The following SYNPO2 variants were observed in gnomAD, a reference collection of about 807,000 sequenced individuals.
SYNPO2 encodes synaptopodin-2.
In SYNPO2, 56 loss-of-function variants were observed where a neutral mutation model predicts 85.0. The ratio of observed to expected loss-of-function variants is 0.66; its 90% confidence interval spans 0.53 to 0.82. The LOEUF is 0.82. SYNPO2 is among the 40% of genes least tolerant of loss of function. The pLI, the probability that SYNPO2 is intolerant of heterozygous loss-of-function variation, is 0.00. For missense variants in SYNPO2, 1,575 were observed against 1,534.2 expected, an observed-to-expected ratio of 1.03 and a Z score of -0.44; for synonymous variants, 602 against 591.1, an observed-to-expected ratio of 1.02 and a Z score of -0.27.
intron 1 of SYNPO2, among the ~76,000 whole-genome samples, chr4:118,934,112 T>G (rs1243678701): frequency 6.6e-6 from 1 of 152,114 alleles, no homozygotes; most frequent in Non-Finnish European, 1.5e-5. Context: ...TTGGTCTCTT[T>G]TCACTTTCTG....
chr4:119,007,952 A>G (rs536348705), intron 1 of SYNPO2, among the ~76,000 whole-genome samples: 1 of 152,338 alleles, frequency 6.6e-6, no homozygotes, highest in South Asian at 2.1e-4. Context: ...TGTAAGGTAC[A>G]TTATTATAAG....
chr4:119,029,865 C>G lies in SYNPO2; in HGVS notation c.1090C>G (p.Leu364Val). 1.3e-6 allele frequency: 2 copies of G among 1,592,446 alleles called. No individual in the cohort carries two copies. The highest frequency in any genetic ancestry group is 1.7e-6 in the Non-Finnish European group (2 of 1,167,418). ...CCTAGGGCTCAGGAGGAGTGAAAGC[C>G]TGTCAGAAAAACAAGTGAAGGAAGC... Reference protein sequence around the residue: ...RHARLRRSESLSEKQVKEAKS... With the variant: ...RHARLRRSESVSEKQVKEAKS... The change falls in exon 4 of 5, where the codon CTG (leucine) becomes GTG (valine). Residue 364 changes from leucine (L) to valine (V), a missense_variant. Coordinates refer to ENST00000307142, the MANE Select transcript of SYNPO2 (RefSeq NM_133477.3).
At chr4:118,959,007 C>T (rs964434633) in intron 1 of SYNPO2, among the ~76,000 whole-genome samples, 1 of 152,166 alleles carries the variant, frequency 6.6e-6, no homozygotes, top group Non-Finnish European at 1.5e-5. Flanking sequence ...TTTGACCCTA[C>T]ATGGTATATT....
intron 1 of SYNPO2, among the ~76,000 whole-genome samples, chr4:118,872,233 T>C (rs1731816408): frequency 6.6e-6 from 1 of 152,180 alleles, no homozygotes; most frequent in Admixed American, 6.5e-5. Flanking sequence ...TAACGTACAT[T>C]GTACCTGTTA....
intron 1 of SYNPO2, among the ~76,000 whole-genome samples, chr4:118,860,043 A>G (rs1444051420): frequency 6.6e-6 from 1 of 152,146 alleles, no homozygotes; most frequent in African/African-American, 2.4e-5. Flanking sequence ...ACAGTGTACG[A>G]GGGTTTCCTT....
intron 1 of SYNPO2, among the ~76,000 whole-genome samples, chr4:118,858,322 A>G (rs1731545196): frequency 6.6e-6 from 1 of 152,216 alleles, no homozygotes; most frequent in African/African-American, 2.4e-5. Context: ...AGTCTTGAAA[A>G]TAATAATCAG....
intron 1 of SYNPO2, among the ~76,000 whole-genome samples, chr4:119,000,779 T>G (rs374179799): frequency 9.2e-5 from 14 of 152,342 alleles, no homozygotes; most frequent in African/African-American, 3.4e-4. Flanking sequence ...ACAAAAACTT[T>G]TAATTCCACT....
At chr4:119,039,613 C>T (rs1206187360) in intron 4 of SYNPO2, among the ~76,000 whole-genome samples, 2 of 152,022 alleles carry the variant, frequency 1.3e-5, no homozygotes, top group African/African-American at 2.4e-5. Flanking sequence ...GAACAAATTC[C>T]CACAGTGCAC....
intron 4 of SYNPO2, chr4:119,034,560 A>G: frequency 1.0e-6 from 1 of 985,572 alleles, no homozygotes; most frequent in Non-Finnish European, 1.2e-6. Flanking sequence ...CAGTAAAAGC[A>G]TCTACAACTT....
chr4:118,995,981 C>T (rs1361673746), intron 1 of SYNPO2, among the ~76,000 whole-genome samples: 1 of 152,096 alleles, frequency 6.6e-6, no homozygotes, highest in Non-Finnish European at 1.5e-5. Flanking sequence ...AGATGTCTTA[C>T]TAAACACAAT....
At chr4:118,872,460 G>T (rs1028561128) in intron 1 of SYNPO2, among the ~76,000 whole-genome samples, 1 of 152,154 alleles carries the variant, frequency 6.6e-6, no homozygotes, top group Non-Finnish European at 1.5e-5. Context: ...TTTTAAAAAT[G>T]ATTATAGTCA....
intron 1 of SYNPO2, among the ~76,000 whole-genome samples, chr4:118,995,605 G>A (rs1317305767): frequency 6.6e-6 from 1 of 152,190 alleles, no homozygotes; most frequent in Admixed American, 6.5e-5. Context: ...CAGAGTGGCA[G>A]TATAATGTGT....
intron 4 of SYNPO2, chr4:119,036,748 A>G: frequency 1.0e-6 from 1 of 989,318 alleles, no homozygotes; most frequent in South Asian, 4.7e-5. Context: ...ATTTTTTTAA[A>G]AACTGTATGT....
chr4:118,960,088 G>T (rs1037965843), intron 1 of SYNPO2, among the ~76,000 whole-genome samples: 15 of 152,182 alleles, frequency 9.9e-5, no homozygotes, highest in Non-Finnish European at 1.8e-4. Context: ...ACAAGTCAAG[G>T]ATTGCTGACA....
chr4:118,984,655 A>T (rs1736150509), intron 1 of SYNPO2, among the ~76,000 whole-genome samples: 1 of 152,176 alleles, frequency 6.6e-6, no homozygotes, highest in Non-Finnish European at 1.5e-5. Flanking sequence ...TTCACCTCAG[A>T]TGGCACCAAT....
chr4:118,900,780 T>TATC (rs1553936267), intron 1 of SYNPO2, among the ~76,000 whole-genome samples: 4 of 147,888 alleles, frequency 2.7e-5, no homozygotes, highest in Non-Finnish European at 6.0e-5. Flanking sequence ...TCTATCTATC[T>TATC]ATCTATAGAT....
chr4:118,866,738 C>A (rs1731704958), intron 1 of SYNPO2, among the ~76,000 whole-genome samples: 1 of 152,126 alleles, frequency 6.6e-6, no homozygotes, highest in African/African-American at 2.4e-5. Flanking sequence ...GCACTTCCCC[C>A]TTCACTCTTT....
chr4:118,898,047 C>A (rs1221045369), intron 1 of SYNPO2, among the ~76,000 whole-genome samples: 1 of 152,086 alleles, frequency 6.6e-6, no homozygotes, highest in Non-Finnish European at 1.5e-5. Context: ...ATTCTGCTTT[C>A]TGAAGGATGA....
intron 1 of SYNPO2, among the ~76,000 whole-genome samples, chr4:118,941,987 C>G (rs915179616): frequency 6.6e-6 from 1 of 152,114 alleles, no homozygotes; most frequent in African/African-American, 2.4e-5. Flanking sequence ...GTTTCTAGTC[C>G]TGTGTTGATT....
Sources: gnomAD v4.1 joint callset for allele counts (sites outside exome capture counted in the v4.1 genomes callset) on GRCh38, gnomAD v4.1.1 for gene constraint, MANE v1.5 for transcripts, NCBI Gene and HGNC (gene_info 2026-07-23, HGNC 2026-07-21) for gene names.